Variants in KCNQ3 observed in about 807,000 individuals in gnomAD.
KCNQ3 encodes the protein potassium voltage-gated channel subfamily Q member 3, also known as potassium voltage-gated channel subfamily KQT member 3.
A neutral mutation model predicts 92.5 loss-of-function variants in KCNQ3; 30 were observed. That is an observed-to-expected ratio of 0.32 (90% confidence interval 0.24 to 0.44). The LOEUF (loss-of-function observed/expected upper bound fraction) is 0.44, where lower values mean the gene tolerates loss of function less well. Ranked by LOEUF, KCNQ3 falls within the 20% of genes least tolerant of loss-of-function variation. The pLI is 1.00. For missense variants in KCNQ3, 913 were observed against 1,140.3 expected (o/e 0.80, Z 2.87); for synonymous variants, 450 against 468.8 (o/e 0.96, Z 0.52).
chr8:132,282,169 T>A (rs1475953385), intron 1 of KCNQ3, among the ~76,000 whole-genome samples: 1 of 152,200 alleles, frequency 6.6e-6, no homozygotes, highest in East Asian at 1.9e-4. Context: ...ACTGGTTTTA[T>A]CTTCCAGACT....
At chr8:132,340,292 C>T (rs1209681614) in intron 1 of KCNQ3, among the ~76,000 whole-genome samples, 1 of 152,152 alleles carries the variant, frequency 6.6e-6, no homozygotes, top group Non-Finnish European at 1.5e-5. Flanking sequence ...AATCATTCTA[C>T]TATAAGGACG....
chr8:132,141,008 G>A (rs1028556404), intron 10 of KCNQ3, 121 bp downstream of exon 10: 3 of 897,786 alleles, frequency 3.3e-6, no homozygotes, highest in Non-Finnish European at 5.5e-6. Flanking sequence ...GTCGAGGGAA[G>A]GGAGAGAGTT....
At chr8:132,331,400 G>A (rs1297246562) in intron 1 of KCNQ3, among the ~76,000 whole-genome samples, 2 of 152,224 alleles carry the variant, frequency 1.3e-5, no homozygotes, top group African/African-American at 4.8e-5. Context: ...CTCACCTGCA[G>A]AGGACCCAGC....
chr8:132,221,698 G>C (rs1374077235), intron 1 of KCNQ3, among the ~76,000 whole-genome samples: 1 of 151,882 alleles, frequency 6.6e-6, no homozygotes. Context: ...TTAAGTTCTT[G>C]TACTGGTACC....
intron 1 of KCNQ3, among the ~76,000 whole-genome samples, chr8:132,281,086 T>A (rs1363302750): frequency 2.6e-5 from 4 of 152,140 alleles, no homozygotes; most frequent in Non-Finnish European, 5.9e-5. Context: ...CCACCTGTCT[T>A]CAGTGGCAGG....
At chr8:132,342,264 C>T (rs1031935660) in intron 1 of KCNQ3, among the ~76,000 whole-genome samples, 3 of 152,106 alleles carry the variant, frequency 2.0e-5, no homozygotes, top group Non-Finnish European at 4.4e-5. Context: ...ATGTCTTCAC[C>T]TCCCCCTCCC....
intron 1 of KCNQ3, among the ~76,000 whole-genome samples, chr8:132,325,305 T>C (rs1036714298): frequency 6.6e-6 from 1 of 152,104 alleles, no homozygotes; most frequent in Non-Finnish European, 1.5e-5. Flanking sequence ...GAGAGCTGGG[T>C]TCCGTCCAGG....
intron 1 of KCNQ3, among the ~76,000 whole-genome samples, chr8:132,294,458 G>T (rs969566668): frequency 6.6e-6 from 1 of 152,178 alleles, no homozygotes; most frequent in Non-Finnish European, 1.5e-5. Context: ...AAGAAAATCT[G>T]AGGCTAGAGT....
chr8:132,480,678 C>A lies in KCNQ3; in HGVS notation c.-146G>T, dbSNP rs1012132545. On this transcript the variant is annotated 5_prime_UTR_variant, in exon 1 of 15. Coordinates refer to ENST00000388996, the MANE Select transcript of KCNQ3 (RefSeq NM_004519.4). ...TCCGCGCGCCCCTCCCCACCCCCCC[C>A]CAAAAGCAGGCAAAGGCGGGCCCCC... 2.1e-5 allele frequency: 19 copies of A among 900,132 alleles called. No individual in the cohort carries two copies. In the Admixed American group the frequency reaches 7.6e-4, roughly 36 times the overall value. 55.8% of individuals were successfully genotyped at this position (900,132 alleles called of 1,614,324 possible). A position where few individuals can be genotyped will look rare whatever the true frequency, so the allele number is the denominator to read the frequency against.
intron 12 of KCNQ3, among the ~76,000 whole-genome samples, chr8:132,137,641 C>T (rs1016981722): frequency 1.3e-5 from 2 of 152,158 alleles, no homozygotes; most frequent in Non-Finnish European, 1.5e-5. Context: ...TAAATGTGTG[C>T]TTTCTCCTCT....
intron 1 of KCNQ3, among the ~76,000 whole-genome samples, chr8:132,272,739 C>CAATT (rs1816189836): frequency 6.6e-6 from 1 of 152,142 alleles, no homozygotes; most frequent in African/African-American, 2.4e-5. Context: ...CCCCATAATT[C>CAATT]AATTACCTTC....
Position 132,199,896 on chromosome 8 carries a change from C to G in KCNQ3, c.387-13715G>C, listed in dbSNP as rs915713961. Among the ~76,000 whole-genome samples the G allele has an allele frequency of 2.2e-5, 3 of 134,636 alleles. No individual in the cohort carries two copies. The East Asian group carries it at 6.3e-4, about 28-fold the overall frequency. The allele number at this position is 134,636 out of a possible 152,430, so 88.3% of individuals were successfully genotyped here. A position where few individuals can be genotyped will look rare whatever the true frequency, so the allele number is the denominator to read the frequency against. On this transcript the variant is annotated intron_variant, in intron 1 of 14. Transcript: ENST00000388996. ...CTGCACTCCAGCCTGGGTGACAGAG[C>G]AAGACTCAGTCTCCAAAAAAAAAAA...
chr8:132,375,263 C>T (rs1005871622), intron 1 of KCNQ3, among the ~76,000 whole-genome samples: 2 of 152,090 alleles, frequency 1.3e-5, no homozygotes, highest in African/African-American at 2.4e-5. Flanking sequence ...AAACTTATTA[C>T]CTGTTTGCAT....
intron 1 of KCNQ3, chr8:132,277,948 G>C (rs906136661): frequency 1.0e-6 from 1 of 985,078 alleles, no homozygotes; most frequent in Admixed American, 6.2e-5. Flanking sequence ...CTTTCCATTT[G>C]GCATTCCACA....
intron 1 of KCNQ3, among the ~76,000 whole-genome samples, chr8:132,187,897 GTGGTGA>G (rs1443528477): frequency 3.4e-5 from 3 of 88,156 alleles, no homozygotes; most frequent in South Asian, 3.1e-4. Context: ...GGTGGTGGTG[GTGGTGA>G]TGGTGGTGGT....
chr8:132,342,085 C>G (rs1818546654), intron 1 of KCNQ3, among the ~76,000 whole-genome samples: 1 of 152,116 alleles, frequency 6.6e-6, no homozygotes, highest in Admixed American at 6.6e-5. Flanking sequence ...TGTCCCCTTC[C>G]CAATTCATGT....
rs570002800 is a variant in KCNQ3 at position 132,452,138 on chromosome 8, T to G, written c.386+28009A>C. Among the ~76,000 whole-genome samples, 60 of 152,338 alleles carry G rather than the reference T, an allele frequency of 3.9e-4. No homozygotes were observed. In the Middle Eastern group the frequency reaches 0.01, roughly 26 times the overall value. ...AACCATTTTTAAGTATGCAATTCAGTGGCATTAACCACATTCGCATCGTTG... is the reference window on the plus strand; with the variant it reads ...AACCATTTTTAAGTATGCAATTCAGGGGCATTAACCACATTCGCATCGTTG... On this transcript the variant is annotated intron_variant, in intron 1 of 14. Transcript: ENST00000388996.
chr8:132,177,236 T>G (rs79066881), intron 4 of KCNQ3, among the ~76,000 whole-genome samples: 7,765 of 152,254 alleles, frequency 0.051, 306 homozygotes, highest in Non-Finnish European at 0.074. Context: ...CAGTCACCAT[T>G]AAGGAGTGAA....
At position 132,123,161 on chromosome 8, in the gene KCNQ3, T is replaced by G. The variant is rs1230031064; in HGVS notation, c.*6101A>C. 4 of 152,182 alleles carry G rather than the reference T, an allele frequency of 2.6e-5. No individual in the cohort carries two copies. The highest frequency in any genetic ancestry group is 5.9e-5 in the Non-Finnish European group (4 of 68,040). The allele number at this position is 152,182 out of a possible 1,614,324, so 9.4% of individuals were successfully genotyped here. A position where few individuals can be genotyped will look rare whatever the true frequency, so the allele number is the denominator to read the frequency against. On this transcript the variant is annotated 3_prime_UTR_variant, in exon 15 of 15. Transcript: ENST00000388996. ...GGATTTATCAAGAAGAAACCCTGTT[T>G]AATTGGCCTATAGATGAGGATGCAA...
Sources: gnomAD v4.1 joint callset for allele counts (sites outside exome capture counted in the v4.1 genomes callset) on GRCh38, gnomAD v4.1.1 for gene constraint, MANE v1.5 for transcripts, NCBI Gene and HGNC (gene_info 2026-07-23, HGNC 2026-07-21) for gene names.